KAZN: variants seen among roughly 807,000 people sequenced by gnomAD.
The protein encoded by KAZN is kazrin.
In KAZN, 40 loss-of-function variants were observed where a neutral mutation model predicts 87.4. The observed-to-expected ratio is 0.46, with a 90% confidence interval of 0.36 to 0.60. The LOEUF (loss-of-function observed/expected upper bound fraction) is 0.60. Ranked by LOEUF, KAZN falls within the 20% of genes least tolerant of loss-of-function variation. The pLI, the probability that KAZN is intolerant of heterozygous loss-of-function variation, is 0.00. For synonymous variants in KAZN, 466 were observed against 458.3 expected, an observed-to-expected ratio of 1.02 and a Z score of -0.22; for missense variants, 898 against 1,073.9, an observed-to-expected ratio of 0.84 and a Z score of 2.29.
rs983030132 is a variant in KAZN, at chr1:14,580,531, C to T, written c.250-18452C>T. 4.6e-5 allele frequency among the ~76,000 whole-genome samples: 7 copies of T among 151,866 alleles called. No homozygotes were observed. The South Asian group carries it at 8.3e-4, about 18-fold the overall frequency. On this transcript the variant is annotated intron_variant, in intron 2 of 16. Transcript: ENST00000636203. The stretch of plus-strand genomic sequence containing the variant: ...ATAAATAAATAAAGTATATTAATAG[C>T]GCAGCCATGTGTAATGACGAATGTG...
chr1:14,430,284 A>G (rs1210055537), intron 2 of KAZN, among the ~76,000 whole-genome samples: 1 of 150,550 alleles, frequency 6.6e-6, no homozygotes, highest in Non-Finnish European at 1.5e-5. Context: ...CTTTTAACTT[A>G]CAATAGAATT....
At chr1:14,579,848 T>G (rs533964913) in intron 2 of KAZN, among the ~76,000 whole-genome samples, 1 of 152,138 alleles carries the variant, frequency 6.6e-6, no homozygotes, top group Non-Finnish European at 1.5e-5. Flanking sequence ...CTTCTCTAAT[T>G]TAATGCAATG....
intron 8 of KAZN, among the ~76,000 whole-genome samples, chr1:15,084,829 A>G (rs552324249): frequency 5.6e-4 from 85 of 152,358 alleles, no homozygotes; most frequent in African/African-American, 2.0e-3. Context: ...ATATGTGTTC[A>G]GCATGAGTGA....
At chr1:14,205,228 T>G (rs907137506) in intron 2 of KAZN, among the ~76,000 whole-genome samples, 4 of 152,152 alleles carry the variant, frequency 2.6e-5, no homozygotes, top group Admixed American at 2.0e-4. Context: ...AAAATGTAAT[T>G]CAGCTGTGTT....
chr1:14,807,111 G>A (rs1368977672), intron 1 of KAZN, among the ~76,000 whole-genome samples: 1 of 152,198 alleles, frequency 6.6e-6, no homozygotes, highest in Non-Finnish European at 1.5e-5. Flanking sequence ...TATGCCCTAT[G>A]GGGCTTGAGA....
chr1:14,548,115 C>T (rs1292419929), intron 2 of KAZN, among the ~76,000 whole-genome samples: 2 of 151,446 alleles, frequency 1.3e-5, no homozygotes, highest in Admixed American at 6.6e-5. Flanking sequence ...TGTATTGGGC[C>T]GCATTCAAAG....
intron 1 of KAZN, among the ~76,000 whole-genome samples, chr1:14,656,984 G>T (rs953200912): frequency 2.0e-5 from 3 of 152,068 alleles, no homozygotes; most frequent in Admixed American, 6.6e-5. Context: ...GAATGATTCT[G>T]GCCACTACAC....
chr1:14,908,116 T>C (rs1656817416), intron 1 of KAZN, among the ~76,000 whole-genome samples: 1 of 152,108 alleles, frequency 6.6e-6, no homozygotes, highest in Non-Finnish European at 1.5e-5. Context: ...GCATGTAGGG[T>C]CAGCGGCACG....
intron 5 of KAZN, among the ~76,000 whole-genome samples, chr1:15,057,791 G>A (rs1203331078): frequency 6.6e-6 from 1 of 152,222 alleles, no homozygotes; most frequent in African/African-American, 2.4e-5. Flanking sequence ...CCAGCCCCAG[G>A]GCAGCAGGAG....
intron 2 of KAZN, among the ~76,000 whole-genome samples, chr1:14,437,139 A>T (rs1293757541): frequency 6.6e-6 from 1 of 152,156 alleles, no homozygotes; most frequent in Non-Finnish European, 1.5e-5. Flanking sequence ...TCCTGCATGG[A>T]AATTCAGTGA....
intron 2 of KAZN, among the ~76,000 whole-genome samples, chr1:14,518,404 T>C (rs1185976751): frequency 1.3e-5 from 2 of 152,186 alleles, no homozygotes; most frequent in East Asian, 3.9e-4. Context: ...CTCCAACTCC[T>C]GACCTTAGGT....
chr1:14,959,222 A>T (rs1475236212), intron 1 of KAZN, among the ~76,000 whole-genome samples: 1 of 152,216 alleles, frequency 6.6e-6, no homozygotes, highest in East Asian at 1.9e-4. Flanking sequence ...AAAGAGACAG[A>T]TAAATACAGC....
intron 2 of KAZN, among the ~76,000 whole-genome samples, chr1:14,459,633 G>A (rs563707407): frequency 4.6e-4 from 70 of 152,236 alleles, no homozygotes; most frequent in Middle Eastern, 6.8e-3. Context: ...GGCACAGGAC[G>A]GGTGAGTAGC....
At chr1:14,446,950 G>T (rs989678354) in intron 2 of KAZN, among the ~76,000 whole-genome samples, 2 of 152,048 alleles carry the variant, frequency 1.3e-5, no homozygotes, top group African/African-American at 4.8e-5. Flanking sequence ...ACATGTACAG[G>T]TTTGTTATAT....
intron 2 of KAZN, among the ~76,000 whole-genome samples, chr1:14,379,305 A>G (rs1477894374): frequency 6.6e-6 from 1 of 151,934 alleles, no homozygotes; most frequent in Non-Finnish European, 1.5e-5. Flanking sequence ...GAGACTCAGC[A>G]CATTCTCAGC....
chr1:14,643,079 A>G (rs920877635), intron 1 of KAZN, among the ~76,000 whole-genome samples: 1 of 151,140 alleles, frequency 6.6e-6, no homozygotes, highest in African/African-American at 2.5e-5. Context: ...AGCTCTGTGC[A>G]TAATAACCCC....
chr1:14,571,326 A>C (rs1252092394), intron 2 of KAZN, among the ~76,000 whole-genome samples: 2 of 152,024 alleles, frequency 1.3e-5, no homozygotes, highest in African/African-American at 4.8e-5. Flanking sequence ...CAATAATTAC[A>C]CCAAAGAGAA....
chr1:14,683,127 A>AT (rs140720399), intron 1 of KAZN, among the ~76,000 whole-genome samples: 178 of 152,304 alleles, frequency 1.2e-3, no homozygotes, highest in African/African-American at 4.2e-3. Context: ...GCTGAAAGCC[A>AT]TTTAGACTCT....
At chr1:14,989,677 G>A (rs1667163777) in intron 2 of KAZN, among the ~76,000 whole-genome samples, 1 of 152,128 alleles carries the variant, frequency 6.6e-6, no homozygotes, top group South Asian at 2.1e-4. Flanking sequence ...GCAGTGTGGG[G>A]GTAGTAGTAG....
Sources: allele counts gnomAD v4.1 joint callset (sites outside exome capture counted in the v4.1 genomes callset), GRCh38; gene constraint gnomAD v4.1.1; transcripts MANE v1.5; gene names NCBI Gene and HGNC (gene_info 2026-07-23, HGNC 2026-07-21).